The following LRRC4C variants were observed in gnomAD, a reference collection of about 807,000 sequenced individuals.
LRRC4C encodes the protein leucine-rich repeat-containing protein 4C.
A neutral mutation model predicts 33.6 loss-of-function variants in LRRC4C; 5 were observed. The observed-to-expected ratio is 0.15, with a 90% confidence interval of 0.08 to 0.31. LRRC4C has a LOEUF of 0.31. Among genes scored for constraint, LRRC4C ranks in the 10% least tolerant of loss-of-function variants. LRRC4C has a pLI of 1.00. For synonymous variants in LRRC4C, 329 were observed against 302.0 expected, an observed-to-expected ratio of 1.09 and a Z score of -0.93; for missense variants, 560 against 796.7, an observed-to-expected ratio of 0.70 and a Z score of 3.58.
chr11:41,195,606 C>T (rs12274768), intron 1 of LRRC4C, among the ~76,000 whole-genome samples: 2,462 of 151,960 alleles, frequency 0.016, 58 homozygotes, highest in African/African-American at 0.055. Context: ...TACAGGTATG[C>T]GTTGACTTAG....
At chr11:41,414,502 C>T (rs1164295070) in intron 1 of LRRC4C, among the ~76,000 whole-genome samples, 1 of 152,042 alleles carries the variant, frequency 6.6e-6, no homozygotes, top group Non-Finnish European at 1.5e-5. Context: ...CCACCCTTGC[C>T]ATTGCAAAGG....
chr11:41,007,306 A>G (rs1854827259), intron 1 of LRRC4C, among the ~76,000 whole-genome samples: 1 of 152,120 alleles, frequency 6.6e-6, no homozygotes. Context: ...TTAAAACCAT[A>G]TGAATAGATG....
intron 2 of LRRC4C, among the ~76,000 whole-genome samples, chr11:40,894,047 C>A (rs1592016577): frequency 6.6e-6 from 1 of 152,144 alleles, no homozygotes; most frequent in East Asian, 1.9e-4. Context: ...AAATCATTTG[C>A]CAATTATAGC....
chr11:40,798,897 GCCT>G (rs1950935466), intron 2 of LRRC4C, among the ~76,000 whole-genome samples: 1 of 152,068 alleles, frequency 6.6e-6, no homozygotes, highest in African/African-American at 2.4e-5. Flanking sequence ...ACCTGTCTTG[GCCT>G]CCTAAATTGC....
intron 1 of LRRC4C, among the ~76,000 whole-genome samples, chr11:40,958,351 A>G (rs1437308594): frequency 1.3e-5 from 2 of 151,798 alleles, no homozygotes; most frequent in African/African-American, 2.4e-5. Flanking sequence ...AGCAAGCACA[A>G]AATGAATGTA....
At chr11:40,405,440 A>C (rs1949925894) in intron 3 of LRRC4C, among the ~76,000 whole-genome samples, 1 of 151,854 alleles carries the variant, frequency 6.6e-6, no homozygotes, top group Non-Finnish European at 1.5e-5. Context: ...GTTCGAGACC[A>C]GTTTGACAAA....
chr11:41,360,390 A>G (rs1285208349), intron 1 of LRRC4C, among the ~76,000 whole-genome samples: 3 of 151,734 alleles, frequency 2.0e-5, no homozygotes, highest in African/African-American at 7.3e-5. Context: ...GGTCTTTGAA[A>G]AAAATGGAAA....
At chr11:41,276,123 G>A (rs966218214) in intron 1 of LRRC4C, among the ~76,000 whole-genome samples, 2 of 152,176 alleles carry the variant, frequency 1.3e-5, no homozygotes, top group African/African-American at 4.8e-5. Context: ...CCTGCTACAC[G>A]TGGTACTTAA....
intron 4 of LRRC4C, among the ~76,000 whole-genome samples, chr11:40,259,007 C>T (rs1171028995): frequency 6.6e-6 from 1 of 152,166 alleles, no homozygotes; most frequent in African/African-American, 2.4e-5. Flanking sequence ...TTGTTTAATG[C>T]TTGTAACAAC....
intron 2 of LRRC4C, among the ~76,000 whole-genome samples, chr11:40,800,915 C>T (rs2135277276): frequency 6.6e-6 from 1 of 152,262 alleles, no homozygotes. Flanking sequence ...CTGTGAGCTC[C>T]AGGACCATCA....
chr11:40,158,068 G>A (rs1590562262), intron 5 of LRRC4C, among the ~76,000 whole-genome samples: 1 of 152,062 alleles, frequency 6.6e-6, no homozygotes, highest in African/African-American at 2.4e-5. Context: ...ATCTATGAGG[G>A]AATACTATGC....
At chr11:41,200,170 C>T (rs906360935) in intron 1 of LRRC4C, among the ~76,000 whole-genome samples, 2 of 152,016 alleles carry the variant, frequency 1.3e-5, no homozygotes, top group African/African-American at 2.4e-5. Flanking sequence ...ATGCAATCTT[C>T]GTGGAGATTG....
intron 1 of LRRC4C, among the ~76,000 whole-genome samples, chr11:41,196,154 G>C (rs766227409): frequency 2.0e-5 from 3 of 152,010 alleles, no homozygotes; most frequent in Non-Finnish European, 4.4e-5. Context: ...CAGTGTATGA[G>C]CACCTCATCC....
chr11:40,762,148 G>A (rs1028270350), intron 2 of LRRC4C, among the ~76,000 whole-genome samples: 1 of 152,150 alleles, frequency 6.6e-6, no homozygotes. Context: ...GCCATGGAAA[G>A]CTACTCCTCT....
intron 5 of LRRC4C, among the ~76,000 whole-genome samples, chr11:40,215,230 C>T (rs910914018): frequency 2.6e-5 from 4 of 152,112 alleles, no homozygotes; most frequent in African/African-American, 4.8e-5. Flanking sequence ...ACTATAATCA[C>T]GACATAATAT....
At chr11:41,353,358 T>C (rs1952049574) in intron 1 of LRRC4C, among the ~76,000 whole-genome samples, 2 of 151,990 alleles carry the variant, frequency 1.3e-5, no homozygotes, top group Admixed American at 1.3e-4. Flanking sequence ...ATGAGTTCTG[T>C]AAATGAATCA....
chr11:41,274,072 A>T (rs1470049235), intron 1 of LRRC4C, among the ~76,000 whole-genome samples: 1 of 152,094 alleles, frequency 6.6e-6, no homozygotes, highest in Non-Finnish European at 1.5e-5. Flanking sequence ...AAATCTCCTG[A>T]CATGGAGGCA....
At chr11:41,058,943 C>G (rs1858844100) in intron 1 of LRRC4C, among the ~76,000 whole-genome samples, 1 of 152,008 alleles carries the variant, frequency 6.6e-6, no homozygotes, top group Non-Finnish European at 1.5e-5. Context: ...TCTAAGGGAA[C>G]TAATGCAGGA....
At position 41,105,729 on chromosome 11, in the gene LRRC4C, T is replaced by C. The variant is rs568067342; in HGVS notation, c.-495-172006A>G. Among the ~76,000 whole-genome samples, 13 of 152,044 alleles carry C rather than the reference T, an allele frequency of 8.6e-5. 1 individual carries two copies. The highest frequency in any genetic ancestry group is 1.2e-4 in the African/African-American group (5 of 41,512). On this transcript the variant is annotated intron_variant, in intron 1 of 6. Transcript: ENST00000528697. ...CAACTTCGATGTACAATTGGAGAGA[T>C]TGTGTTGGAAATTTACAGAGAACCA...
Sources: allele counts gnomAD v4.1 joint callset (sites outside exome capture counted in the v4.1 genomes callset), GRCh38; gene constraint gnomAD v4.1.1; transcripts MANE v1.5; gene names NCBI Gene and HGNC (gene_info 2026-07-23, HGNC 2026-07-21).